The following MAP4K3 variants were observed in gnomAD, a reference collection of about 807,000 sequenced individuals.
MAP4K3 encodes the protein MAPK/ERK kinase kinase kinase 3.
In MAP4K3, 94 loss-of-function variants were observed where a neutral mutation model predicts 143.5. The ratio of observed to expected loss-of-function variants is 0.65; its 90% CI spans 0.55 to 0.78. The LOEUF (loss-of-function observed/expected upper bound fraction) is 0.78, where lower values mean the gene tolerates loss of function less well. Among genes scored for constraint, MAP4K3 ranks in the 30% least tolerant of loss-of-function variants. The probability of loss-of-function intolerance (pLI) is 0.00; values close to 1 mark genes in which losing one functional copy is unlikely to be tolerated. For missense variants in MAP4K3, 1,077 were observed against 1,068.1 expected, an observed-to-expected ratio of 1.01 and a Z score of -0.12; for synonymous variants, 416 against 347.2, an observed-to-expected ratio of 1.20 and a Z score of -2.20.
At chr2:39,426,641 G>T (rs11124683) in intron 1 of MAP4K3, among the ~76,000 whole-genome samples, 118,735 of 151,978 alleles carry the variant, frequency 0.78, 51,719 homozygotes, top group Non-Finnish European at 0.95. Flanking sequence ...TCTTGGAAAG[G>T]ATGTATGAGA....
chr2:39,382,415 TAAC>T (rs1666377768), intron 1 of MAP4K3, among the ~76,000 whole-genome samples: 1 of 152,324 alleles, frequency 6.6e-6, no homozygotes, highest in African/African-American at 2.4e-5. Flanking sequence ...GAGTGAGAGT[TAAC>T]AACGTTTAGT....
rs1219105779 is a variant in MAP4K3 at position 39,250,654 on chromosome 2, A to G, written c.2649T>C (p.Asn883=). 2 of 1,613,934 alleles carry G rather than the reference A, an allele frequency of 1.2e-6. No homozygotes were observed. Among genetic ancestry groups the G allele is most frequent in the Admixed American group, 3.3e-5 (2 of 60,016 alleles). The change falls in exon 34 of 34, where the codon AAT becomes AAC. Residue 883 remains asparagine (N), a synonymous_variant. Coordinates refer to ENST00000263881, the MANE Select transcript of MAP4K3 (RefSeq NM_003618.4). ...TTTCATGACCCGCCAGGATGTACAAATTGCTATTTGCTGTGGGGTTATCAG... is the reference window on the plus strand; with the variant it reads ...TTTCATGACCCGCCAGGATGTACAAGTTGCTATTTGCTGTGGGGTTATCAG... ...RPTDNPTANS[N]LYILAGHENS... is the part of the protein sequence containing the mutation.
chr2:39,314,037 C>CT (rs1055660834), intron 13 of MAP4K3, among the ~76,000 whole-genome samples: 46 of 150,446 alleles, frequency 3.1e-4, no homozygotes, highest in African/African-American at 9.7e-4. Context: ...CCTCTAATTA[C>CT]TTTTTTTTTT....
chr2:39,375,875 ACG>A (rs1209803076), intron 2 of MAP4K3, among the ~76,000 whole-genome samples: 1 of 152,216 alleles, frequency 6.6e-6, no homozygotes, highest in Non-Finnish European at 1.5e-5. Flanking sequence ...TTCACTTAGC[ACG>A]TTTTGGTCAC....
chr2:39,282,332 T>C (rs1156946431), intron 22 of MAP4K3, among the ~76,000 whole-genome samples, 181 bp downstream of exon 22: 4 of 152,240 alleles, frequency 2.6e-5, no homozygotes, highest in Admixed American at 2.6e-4. Flanking sequence ...ACTCTGTCTC[T>C]ATTAAAAATA....
chr2:39,286,587 A>G (rs192029251), intron 21 of MAP4K3, among the ~76,000 whole-genome samples: 321 of 152,312 alleles, frequency 2.1e-3, no homozygotes, highest in African/African-American at 7.4e-3. Flanking sequence ...TATCTGTATA[A>G]AGAAGATGTT....
Position 39,251,887 on chromosome 2 carries a change from T to C in MAP4K3, c.2542-2A>G. 6.2e-7 allele frequency: 1 copy of C among 1,610,316 alleles called. No individual in the cohort carries two copies. The highest frequency in any genetic ancestry group is 8.5e-7 in the Non-Finnish European group (1 of 1,177,226). On this transcript the variant is annotated splice_acceptor_variant, in intron 32 of 33. Coordinates refer to ENST00000263881, the MANE Select transcript of MAP4K3 (RefSeq NM_003618.4). LOFTEE classifies it high-confidence loss of function. ...GCTATCTGAAATTTCTTGTGTTACC[T>C]GTTCAATTAAAACACAAATTTAATT...
chr2:39,300,735 C>T (rs1416237070), intron 15 of MAP4K3, among the ~76,000 whole-genome samples: 2 of 152,172 alleles, frequency 1.3e-5, no homozygotes, highest in African/African-American at 2.4e-5. Flanking sequence ...TTGGAGCAGC[C>T]GCCTTCCAAG....
intron 31 of MAP4K3, among the ~76,000 whole-genome samples, chr2:39,255,707 G>A (rs1270986113): frequency 6.6e-6 from 1 of 152,138 alleles, no homozygotes; most frequent in Admixed American, 6.5e-5. Flanking sequence ...AAAATTATTT[G>A]TAGAGATGGG....
intron 33 of MAP4K3, 25 bp from the exon 34 acceptor site, chr2:39,250,730 C>G (rs1215813950): frequency 6.3e-7 from 1 of 1,589,030 alleles, no homozygotes; most frequent in Admixed American, 1.7e-5. Context: ...AAACATATAA[C>G]AAAACAAAGT....
chr2:39,384,267 C>T (rs1666430998), intron 1 of MAP4K3, among the ~76,000 whole-genome samples: 1 of 151,996 alleles, frequency 6.6e-6, no homozygotes, highest in Non-Finnish European at 1.5e-5. Flanking sequence ...TGGCTCAAGC[C>T]GGGCGTCGTG....
chr2:39,340,023 T>C lies in MAP4K3; in HGVS notation c.311-2442A>G, dbSNP rs1222020374. 3.4e-5 allele frequency among the ~76,000 whole-genome samples: 5 copies of C among 148,834 alleles called. No homozygotes were observed. In the East Asian group the frequency reaches 7.7e-4, roughly 23 times the overall value. On this transcript the variant is annotated intron_variant, in intron 4 of 33. Coordinates refer to ENST00000263881, the MANE Select transcript of MAP4K3 (RefSeq NM_003618.4). ...CAAACACAAAAAGCTCAATGGAAAA[T>C]AGAAAAAAATCCTATTATGTTGGAA...
chr2:39,270,510 T>A (rs1441017631), intron 26 of MAP4K3, among the ~76,000 whole-genome samples: 1 of 152,208 alleles, frequency 6.6e-6, no homozygotes, highest in Non-Finnish European at 1.5e-5. Context: ...CTAGGTGCTG[T>A]GGTAGGTACT....
chr2:39,267,912 G>A (rs993639122), intron 26 of MAP4K3, among the ~76,000 whole-genome samples: 4 of 152,042 alleles, frequency 2.6e-5, no homozygotes, highest in African/African-American at 7.2e-5. Flanking sequence ...ACTACAGGTG[G>A]CAGTCAATTA....
chr2:39,257,999 T>C (rs903784625), intron 31 of MAP4K3, among the ~76,000 whole-genome samples: 1 of 152,068 alleles, frequency 6.6e-6, no homozygotes, highest in Non-Finnish European at 1.5e-5. Flanking sequence ...TGGTGCGATC[T>C]CAACTCATTG....
At chr2:39,413,799 A>AAT (rs1667296096) in intron 1 of MAP4K3, among the ~76,000 whole-genome samples, 2 of 151,838 alleles carry the variant, frequency 1.3e-5, no homozygotes, top group Non-Finnish European at 2.9e-5. Flanking sequence ...GTAGGTGCTA[A>AAT]GAACCTCTTA....
At chr2:39,417,231 T>G (rs1199364008) in intron 1 of MAP4K3, among the ~76,000 whole-genome samples, 1 of 148,378 alleles carries the variant, frequency 6.7e-6, no homozygotes, top group Non-Finnish European at 1.5e-5. Flanking sequence ...TTTTTTTTTT[T>G]GTGTGTGAGA....
chr2:39,326,633 A>T (rs1683497610), intron 8 of MAP4K3, among the ~76,000 whole-genome samples: 1 of 152,116 alleles, frequency 6.6e-6, no homozygotes, highest in Admixed American at 6.6e-5. Flanking sequence ...AAGGACCTGC[A>T]ATTTGGGGGG....
At chr2:39,400,518 C>G (rs889827238) in intron 1 of MAP4K3, among the ~76,000 whole-genome samples, 9 of 151,732 alleles carry the variant, frequency 5.9e-5, no homozygotes, top group African/African-American at 2.2e-4. Context: ...ATTGTTCCCC[C>G]CTCTCTTTCT....
Sources: gnomAD v4.1 joint callset for allele counts (sites outside exome capture counted in the v4.1 genomes callset) on GRCh38, gnomAD v4.1.1 for gene constraint, MANE v1.5 for transcripts, NCBI Gene and HGNC (gene_info 2026-07-23, HGNC 2026-07-21) for gene names.